The following PDRG1 variants were observed in gnomAD, a reference collection of about 807,000 sequenced individuals.
The protein encoded by PDRG1 is p53 and DNA damage regulated 1, also known as p53 and DNA damage-regulated protein 1.
Under a neutral mutation model 18.4 loss-of-function variants are expected in PDRG1, and 14 were observed. That is an observed-to-expected ratio of 0.76 (90% confidence interval 0.50 to 1.19). PDRG1 has a LOEUF of 1.19. PDRG1 is among the 50% of genes most tolerant of loss of function. PDRG1 has a pLI of 0.00. For missense variants in PDRG1, 177 were observed against 160.1 expected (o/e 1.11, Z -0.57); for synonymous variants, 65 against 60.9 (o/e 1.07, Z -0.31).
rs775880591 is a variant in PDRG1, at chr20:31,948,862, C to T, written c.184G>A (p.Gly62Arg). ...TGAGGCATCTTGATAAACATGTTCC[C>T]GAAGCAAACCATCACATCTTCTGAA... ...SLSEDVMVCF[G>R]NMFIKMPHPE... Residue 62 changes from glycine (G) to arginine (R), a missense_variant, in exon 3 of 5, where the codon GGG becomes AGG. Coordinates refer to ENST00000202017, the MANE Select transcript of PDRG1 (RefSeq NM_030815.3). The T allele has an allele frequency of 1.5e-5, 25 of 1,613,704 alleles. No homozygotes were observed. The highest frequency in any genetic ancestry group is 2.2e-5 in the East Asian group (1 of 44,880).
chr20:31,950,049 C>A, intron 2 of PDRG1, among the ~76,000 whole-genome samples: 1 of 152,206 alleles, frequency 6.6e-6, no homozygotes, highest in East Asian at 1.9e-4. Context: ...TTTATACACC[C>A]CCGGCACTCT....
chr20:31,950,880 G>A (rs2064347597), intron 1 of PDRG1, among the ~76,000 whole-genome samples: 1 of 152,116 alleles, frequency 6.6e-6, no homozygotes, highest in South Asian at 2.1e-4. Context: ...TATACTGCAC[G>A]AGTGCTGGTT....
At chr20:31,945,972 T>A in intron 4 of PDRG1, 83 bp from the exon 5 acceptor site, 1 of 1,146,642 alleles carries the variant, frequency 8.7e-7, no homozygotes, top group Non-Finnish European at 1.3e-6. Context: ...GACGCTGCAC[T>A]AATGCTGCCA....
chr20:31,949,024 A>G, intron 2 of PDRG1, 142 bp from the exon 3 acceptor site: 1 of 693,680 alleles, frequency 1.4e-6, no homozygotes, highest in South Asian at 1.9e-5. Context: ...TGGAGGAGAG[A>G]GAATAAAGAT....
chr20:31,949,698 C>G (rs185273405), intron 2 of PDRG1, among the ~76,000 whole-genome samples: 105 of 152,254 alleles, frequency 6.9e-4, no homozygotes, highest in African/African-American at 2.3e-3. Context: ...CTGGATTACT[C>G]GGTCTTGTAG....
Position 31,944,526 on chromosome 20 carries a change from A to G in PDRG1, c.*1281T>C, listed in dbSNP as rs1248300486. On this transcript the variant is annotated 3_prime_UTR_variant, in exon 5 of 5. Coordinates refer to ENST00000202017, the MANE Select transcript of PDRG1 (RefSeq NM_030815.3). ...GCTTGCACAAAAATTATTAGCTTATAAGACACCAGCCTTCCCCTTGCTTTC... is the reference window on the plus strand; with the variant it reads ...GCTTGCACAAAAATTATTAGCTTATGAGACACCAGCCTTCCCCTTGCTTTC... 1 of 152,162 alleles carries G rather than the reference A, an allele frequency of 6.6e-6. No individual in the cohort carries two copies. The highest frequency in any genetic ancestry group is 1.5e-5 in the Non-Finnish European group (1 of 67,996). 9.4% of individuals were successfully genotyped at this position (152,162 alleles called of 1,614,324 possible).
chr20:31,950,137 G>A (rs1346676896), intron 2 of PDRG1, among the ~76,000 whole-genome samples, 175 bp downstream of exon 2: 2 of 152,144 alleles, frequency 1.3e-5, no homozygotes, highest in African/African-American at 4.8e-5. Flanking sequence ...CTGAACCACA[G>A]TCTGTGCCAG....
intron 1 of PDRG1, among the ~76,000 whole-genome samples, chr20:31,950,708 G>C (rs1230638324): frequency 6.6e-6 from 1 of 152,156 alleles, no homozygotes; most frequent in African/African-American, 2.4e-5. Flanking sequence ...TACACACTGT[G>C]ATTAAGCAGG....
intron 3 of PDRG1, among the ~76,000 whole-genome samples, chr20:31,947,187 G>T (rs993990278): frequency 2.0e-5 from 3 of 152,212 alleles, no homozygotes; most frequent in African/African-American, 7.2e-5. Context: ...CCAATTGACT[G>T]AAGTCACCCA....
intron 3 of PDRG1, among the ~76,000 whole-genome samples, chr20:31,947,024 T>C (rs1449393060): frequency 1.3e-5 from 2 of 152,206 alleles, no homozygotes; most frequent in Non-Finnish European, 2.9e-5. Flanking sequence ...AAAACATGAT[T>C]GTGTAAACAT....
intron 2 of PDRG1, 51 bp from the exon 3 acceptor site, chr20:31,948,933 T>G (rs1600645795): frequency 6.5e-7 from 1 of 1,536,118 alleles, no homozygotes. Context: ...GAGTACCTAT[T>G]ATCTGCCAGG....
At position 31,945,769 on chromosome 20, in the gene PDRG1, C is replaced by T; in HGVS notation, c.*38G>A. The T allele has an allele frequency of 6.4e-7, 1 of 1,560,918 alleles. No homozygotes were observed. The highest frequency in any genetic ancestry group is 8.8e-7 in the Non-Finnish European group (1 of 1,133,152). On this transcript the variant is annotated 3_prime_UTR_variant, in exon 5 of 5. Coordinates refer to ENST00000202017, the MANE Select transcript of PDRG1 (RefSeq NM_030815.3). ...GGAGGGTCCTGGGTCCTCCATGACC[C>T]TGGGGGGTTGCTGGTCCCCCATCTT... is the stretch of plus-strand genomic sequence containing the variant.
Position 31,945,687 on chromosome 20 carries a change from G to T in PDRG1, c.*120C>A. On this transcript the variant is annotated 3_prime_UTR_variant, in exon 5 of 5. Transcript: ENST00000202017. ...CACTACAAAGAGGTTTTCATGGCCA[G>T]ATTCCTGACGGCTGGCCCCTTACAG... 1.3e-6 allele frequency: 1 copy of T among 748,448 alleles called. No homozygotes were observed. The allele number at this position is 748,448 out of a possible 1,614,324, so 46.4% of individuals were successfully genotyped here. A position where few individuals can be genotyped will look rare whatever the true frequency, so the allele number is the denominator to read the frequency against.
chr20:31,945,663 A>T lies in PDRG1; in HGVS notation c.*144T>A. On this transcript the variant is annotated 3_prime_UTR_variant, in exon 5 of 5. Coordinates refer to ENST00000202017, the MANE Select transcript of PDRG1 (RefSeq NM_030815.3). ...TCCTGCCATCACAGAGTAGCCAAGC[A>T]CTACAAAGAGGTTTTCATGGCCAGA... The T allele has an allele frequency of 1.7e-6, 1 of 596,330 alleles. No individual in the cohort carries two copies. Among genetic ancestry groups the T allele is most frequent in the Non-Finnish European group, 2.9e-6 (1 of 348,328 alleles). 36.9% of individuals were successfully genotyped at this position (596,330 alleles called of 1,614,324 possible).
In PDRG1 at chr20:31,949,032, G is replaced by A. The variant is rs2064335735; in HGVS notation, c.164-150C>T. ...GTTACAGTGGAGGAGAGAGAATAAA[G>A]ATATGATTTGTCAGACCTTAAGAGT... On this transcript the variant is annotated intron_variant, in intron 2 of 4. Coordinates refer to ENST00000202017, the MANE Select transcript of PDRG1 (RefSeq NM_030815.3). 3 of 683,238 alleles carry A rather than the reference G, an allele frequency of 4.4e-6. No individual in the cohort carries two copies. The Admixed American group carries it at 9.1e-5, about 21-fold the overall frequency. 42.3% of individuals were successfully genotyped at this position (683,238 alleles called of 1,614,324 possible).
rs1410549229 is a variant in PDRG1, at chr20:31,944,344, A to T, written c.*1463T>A. The T allele has an allele frequency of 6.4e-6, 1 of 156,140 alleles. No homozygotes were observed. The highest frequency in any genetic ancestry group is 1.4e-5 in the Non-Finnish European group (1 of 70,156). 9.7% of individuals were successfully genotyped at this position (156,140 alleles called of 1,614,324 possible). A position where few individuals can be genotyped will look rare whatever the true frequency, so the allele number is the denominator to read the frequency against. ...ACACTGGACAACATCTAGCAAGGTG[A>T]ATTCTGCAACTCCCTACTTTATTTA... On this transcript the variant is annotated 3_prime_UTR_variant, in exon 5 of 5. Transcript: ENST00000202017.
Position 31,945,704 on chromosome 20 carries a change from C to G in PDRG1, c.*103G>C, listed in dbSNP as rs1267473812. ...CATGGCCAGATTCCTGACGGCTGGC[C>G]CCTTACAGGGCAGATCCTGTCCTTA... On this transcript the variant is annotated 3_prime_UTR_variant, in exon 5 of 5. Coordinates refer to ENST00000202017, the MANE Select transcript of PDRG1 (RefSeq NM_030815.3). The G allele has an allele frequency of 2.3e-6, 2 of 883,882 alleles. No homozygotes were observed. Among genetic ancestry groups the G allele is most frequent in the Non-Finnish European group, 3.5e-6 (2 of 578,510 alleles). The allele number at this position is 883,882 out of a possible 1,614,324, so 54.8% of individuals were successfully genotyped here.
rs2064304012 is a variant in PDRG1 at position 31,945,248 on chromosome 20, A to C, written c.*559T>G. On this transcript the variant is annotated 3_prime_UTR_variant, in exon 5 of 5. Coordinates refer to ENST00000202017, the MANE Select transcript of PDRG1 (RefSeq NM_030815.3). ...TACTCTTGGAATCAAGCAGGGAAAAAGTGCAAAATTGGAGCTGGCGGGAGG... is the reference window on the plus strand; with the variant it reads ...TACTCTTGGAATCAAGCAGGGAAAACGTGCAAAATTGGAGCTGGCGGGAGG... 6.5e-6 allele frequency: 1 copy of C among 152,914 alleles called. No homozygotes were observed. Among genetic ancestry groups the C allele is most frequent in the East Asian group, 1.9e-4 (1 of 5,180 alleles). 9.5% of individuals were successfully genotyped at this position (152,914 alleles called of 1,614,324 possible). A position where few individuals can be genotyped will look rare whatever the true frequency, so the allele number is the denominator to read the frequency against.
At chr20:31,946,413 G>T (rs1204481631) in intron 4 of PDRG1, 83 bp downstream of exon 4, 2 of 1,305,234 alleles carry the variant, frequency 1.5e-6, no homozygotes, top group Non-Finnish European at 2.2e-6. Context: ...ATCTCTGAGG[G>T]TCGGACTTCC....
Sources: gnomAD v4.1 joint callset for allele counts (sites outside exome capture counted in the v4.1 genomes callset) on GRCh38, gnomAD v4.1.1 for gene constraint, MANE v1.5 for transcripts, NCBI Gene and HGNC (gene_info 2026-07-23, HGNC 2026-07-21) for gene names.